SP140L: variants seen among roughly 807,000 people sequenced by gnomAD.
SP140L encodes the protein nuclear body protein SP140-like protein.
SP140L carries 64 observed loss-of-function variants against 84.3 expected under a neutral mutation model. The ratio of observed to expected loss-of-function variants is 0.76; its 90% CI spans 0.62 to 0.94. SP140L has a LOEUF of 0.94. Ranked by LOEUF, SP140L falls within the 40% of genes least tolerant of loss-of-function variation. The probability of loss-of-function intolerance (pLI) is 0.00; values close to 1 mark genes in which losing one functional copy is unlikely to be tolerated. For missense variants in SP140L, 628 were observed against 692.5 expected, an observed-to-expected ratio of 0.91 and a Z score of 1.05; for synonymous variants, 242 against 236.9, an observed-to-expected ratio of 1.02 and a Z score of -0.20.
chr2:230,370,374 C>G (rs895393059), intron 5 of SP140L, among the ~76,000 whole-genome samples: 1 of 151,950 alleles, frequency 6.6e-6, no homozygotes, highest in Non-Finnish European at 1.5e-5. Flanking sequence ...CCTCTAGAAG[C>G]TGAAAAGACA....
intron 5 of SP140L, among the ~76,000 whole-genome samples, chr2:230,363,769 C>T (rs1050944221): frequency 6.6e-6 from 1 of 151,998 alleles, no homozygotes; most frequent in Non-Finnish European, 1.5e-5. Flanking sequence ...TGGAGCTTTT[C>T]CCCTGTTTTC....
At chr2:230,371,696 AT>A in intron 7 of SP140L, 45 bp downstream of exon 7, 2 of 1,456,998 alleles carry the variant, frequency 1.4e-6, no homozygotes, top group Non-Finnish European at 1.9e-6. Flanking sequence ...TTACAAATAC[AT>A]TTTTAATGCC....
At chr2:230,392,453 GAGGAGGAA>G (rs1354465206) in intron 12 of SP140L, among the ~76,000 whole-genome samples, 1 of 152,150 alleles carries the variant, frequency 6.6e-6, no homozygotes, top group African/African-American at 2.4e-5. Flanking sequence ...CAGCAGCTTG[GAGGAGGAA>G]AGGGTAATTC....
At chr2:230,364,199 T>C (rs1317585351) in intron 5 of SP140L, among the ~76,000 whole-genome samples, 1 of 152,158 alleles carries the variant, frequency 6.6e-6, no homozygotes, top group African/African-American at 2.4e-5. Flanking sequence ...CAGAAAAAAA[T>C]GTCTTTGGAA....
At chr2:230,381,715 C>CT (rs2061412934) in intron 7 of SP140L, among the ~76,000 whole-genome samples, 4 of 12,496 alleles carry the variant, frequency 3.2e-4, no homozygotes, top group African/African-American at 1.2e-3. Context: ...TCTCTCTACA[C>CT]ACACACACAC....
At chr2:230,331,836 CTCCCTTCTATTATTG>C (rs1294868856) in intron 2 of SP140L, among the ~76,000 whole-genome samples, 1 of 152,104 alleles carries the variant, frequency 6.6e-6, no homozygotes, top group Non-Finnish European at 1.5e-5. Flanking sequence ...AAGTAGTCTT[CTCCCTTCTATTATTG>C]TCTTGTTTTT....
intron 5 of SP140L, among the ~76,000 whole-genome samples, chr2:230,367,867 G>T (rs950090055): frequency 2.0e-5 from 3 of 152,232 alleles, no homozygotes; most frequent in African/African-American, 7.2e-5. Flanking sequence ...GGGAGCTGGA[G>T]GTTGCTGTGA....
Position 230,400,113 on chromosome 2 carries a change from G to C in SP140L, c.1198-14G>C, listed in dbSNP as rs758197079. On this transcript the variant is annotated splice_polypyrimidine_tract_variant and intron_variant, in intron 14 of 18. Coordinates refer to ENST00000415673, the MANE Select transcript of SP140L (RefSeq NM_138402.6). ...TGTGATTCCCAGTGACGTGGACACT[G>C]TTTTACCTTCTAGATGAGAAACTTG... 1.9e-6 allele frequency: 3 copies of C among 1,613,712 alleles called. No homozygotes were observed. In the East Asian group the frequency reaches 6.7e-5, roughly 36 times the overall value.
intron 2 of SP140L, among the ~76,000 whole-genome samples, chr2:230,333,385 C>G (rs952659843): frequency 4.6e-5 from 7 of 152,150 alleles, no homozygotes; most frequent in Non-Finnish European, 8.8e-5. Flanking sequence ...GTCTCAATCT[C>G]TTGACCTCAT....
In SP140L at chr2:230,389,943, C is replaced by T. The variant is rs2061732810; in HGVS notation, c.884C>T (p.Thr295Ile). ...GCTTCAAGAAAGCACAAAGATGAAACTGTGGATTTTCAGGCTCCTTTACTT... is the reference window on the plus strand; with the variant it reads ...GCTTCAAGAAAGCACAAAGATGAAATTGTGGATTTTCAGGCTCCTTTACTT... ...SRASRKHKDE[T>I]VDFQAPLLPV... Residue 295 changes from threonine (T) to isoleucine (I), a missense_variant, in exon 11 of 19, where the codon ACT becomes ATT. Around this residue, in one of 4 missense-constraint regions of SP140L, gnomAD observed 525 missense variants for 518.4 expected, o/e 1.01. Transcript: ENST00000415673. 7.4e-6 allele frequency: 12 copies of T among 1,613,746 alleles called. No individual in the cohort carries two copies. The highest frequency in any genetic ancestry group is 9.3e-6 in the Non-Finnish European group (11 of 1,179,776).
Position 230,403,071 on chromosome 2 carries a change from A to G in SP140L, c.*175A>G. ...TTGATCATCATGAATCCCATCCCCA[A>G]GAATCTCATCAACCAGGGAAGAGGA... On this transcript the variant is annotated 3_prime_UTR_variant, in exon 19 of 19. Transcript: ENST00000415673. 3.6e-6 allele frequency: 2 copies of G among 559,376 alleles called. No individual in the cohort carries two copies. Among genetic ancestry groups the G allele is most frequent in the Middle Eastern group, 2.9e-4 (1 of 3,506 alleles). 34.7% of individuals were successfully genotyped at this position (559,376 alleles called of 1,614,324 possible).
chr2:230,372,641 C>T (rs1468895504), intron 7 of SP140L: 1 of 146,634 alleles, frequency 6.8e-6, no homozygotes, highest in African/African-American at 2.5e-5. Flanking sequence ...AGGAGAATGG[C>T]ATGAACCTGG....
intron 4 of SP140L, among the ~76,000 whole-genome samples, 154 bp from the exon 5 acceptor site, chr2:230,361,460 G>A (rs2060714286): frequency 1.3e-5 from 2 of 152,078 alleles, no homozygotes; most frequent in South Asian, 2.1e-4. Flanking sequence ...TCATTGTTGA[G>A]GTCATCTCTT....
intron 8 of SP140L, 55 bp from the exon 9 acceptor site, chr2:230,385,169 G>C (rs1390748234): frequency 6.3e-7 from 1 of 1,580,750 alleles, no homozygotes; most frequent in African/African-American, 1.4e-5. Context: ...GGTCCAGCCT[G>C]TGAGCTGTTG....
rs1349398348 is a variant in SP140L, at chr2:230,396,757, A to C, written c.1156A>C (p.Arg386=). The C allele has an allele frequency of 6.2e-7, 1 of 1,613,792 alleles. No homozygotes were observed. Among genetic ancestry groups the C allele is most frequent in the East Asian group, 2.2e-5 (1 of 44,876 alleles). ...ATCAATCTTTCTGTTTTTTCAACAG[A>C]GAATACTGAAGTCTCAAAACAATAG... ...PPRIYYRNKK[R]ILKSQNNSSV... Residue 386 remains arginine (R), a splice_region_variant and synonymous_variant, in exon 14 of 19, where the codon AGA becomes CGA. Coordinates refer to ENST00000415673, the MANE Select transcript of SP140L (RefSeq NM_138402.6).
At chr2:230,332,162 G>A (rs767030247) in intron 2 of SP140L, among the ~76,000 whole-genome samples, 4 of 152,032 alleles carry the variant, frequency 2.6e-5, no homozygotes. Flanking sequence ...ACCATGTATA[G>A]GATATTTATC....
intron 11 of SP140L, 24 bp from the exon 12 acceptor site, chr2:230,392,063 G>T: frequency 1.2e-6 from 2 of 1,613,356 alleles, no homozygotes; most frequent in African/African-American, 2.7e-5. Flanking sequence ...GAGGGCTCAG[G>T]ATCAAGTTAC....
At chr2:230,354,833 CAAGA>C (rs1192708136) in intron 2 of SP140L, among the ~76,000 whole-genome samples, 6 of 34,986 alleles carry the variant, frequency 1.7e-4, no homozygotes, top group African/African-American at 5.0e-4. Flanking sequence ...AAGAAAGAGA[CAAGA>C]AAGAAAGAAA....
chr2:230,352,978 T>C (rs1367959138), intron 2 of SP140L, among the ~76,000 whole-genome samples: 2 of 152,120 alleles, frequency 1.3e-5, no homozygotes, highest in Non-Finnish European at 1.5e-5. Flanking sequence ...GTTCATGTTA[T>C]GTTAGTTTTA....
Sources: gnomAD v4.1 joint callset for allele counts (sites outside exome capture counted in the v4.1 genomes callset) on GRCh38, gnomAD v4.1.1 for gene constraint, gnomAD v4.1.1 regional missense constraint, MANE v1.5 for transcripts, NCBI Gene and HGNC (gene_info 2026-07-23, HGNC 2026-07-21) for gene names.